Variants in ENOX1 observed in about 807,000 individuals in gnomAD.
The protein encoded by ENOX1 is candidate growth-related and time keeping constitutive hydroquinone (NADH) oxidase.
Under a neutral mutation model 82.5 loss-of-function variants are expected in ENOX1, and 42 were observed. That is an observed-to-expected ratio of 0.51 (90% CI 0.40 to 0.66). The LOEUF (loss-of-function observed/expected upper bound fraction) is 0.66. Among genes scored for constraint, ENOX1 ranks in the 30% least tolerant of loss-of-function variants. The probability of loss-of-function intolerance (pLI) is 0.00; values close to 1 mark genes in which losing one functional copy is unlikely to be tolerated. For missense variants in ENOX1, 608 were observed against 811.6 expected, an observed-to-expected ratio of 0.75 and a Z score of 3.05; for synonymous variants, 271 against 282.2, an observed-to-expected ratio of 0.96 and a Z score of 0.40.
At chr13:43,255,278 T>C (rs372350575) in intron 14 of ENOX1, among the ~76,000 whole-genome samples, 11 of 152,210 alleles carry the variant, frequency 7.2e-5, no homozygotes, top group African/African-American at 2.4e-4. Flanking sequence ...AGACCAGGTA[T>C]AGAAGGAACA....
At chr13:43,623,165 C>T (rs868455897) in intron 2 of ENOX1, among the ~76,000 whole-genome samples, 5 of 152,144 alleles carry the variant, frequency 3.3e-5, no homozygotes, top group African/African-American at 7.2e-5. Flanking sequence ...AGTCTGAAAA[C>T]CTGCCCCAGG....
chr13:43,711,468 T>C (rs1265802169), intron 1 of ENOX1, among the ~76,000 whole-genome samples: 5 of 152,204 alleles, frequency 3.3e-5, no homozygotes, highest in Non-Finnish European at 7.3e-5. Context: ...ATGGTATTTC[T>C]AGTTCTAGAT....
At chr13:43,493,549 G>A (rs1465660118) in intron 2 of ENOX1, among the ~76,000 whole-genome samples, 1 of 152,166 alleles carries the variant, frequency 6.6e-6, no homozygotes, top group African/African-American at 2.4e-5. Flanking sequence ...CCATTCCTTT[G>A]CCTTCTTTTT....
At chr13:43,697,982 C>G (rs1224027078) in intron 1 of ENOX1, among the ~76,000 whole-genome samples, 2 of 152,094 alleles carry the variant, frequency 1.3e-5, no homozygotes, top group African/African-American at 4.8e-5. Context: ...TAGGGCCTTG[C>G]AGTACATTCA....
intron 2 of ENOX1, among the ~76,000 whole-genome samples, chr13:43,615,786 C>T (rs1194862784): frequency 1.3e-5 from 2 of 151,834 alleles, no homozygotes; most frequent in Admixed American, 6.6e-5. Flanking sequence ...TGTTCCCCTC[C>T]CTGTGTCCAT....
intron 1 of ENOX1, among the ~76,000 whole-genome samples, chr13:43,738,715 T>C (rs1276461050): frequency 1.2e-5 from 1 of 82,958 alleles, no homozygotes; most frequent in African/African-American, 4.2e-5. Flanking sequence ...TAGTAATATA[T>C]ATAGATTTTT....
At chr13:43,569,006 T>C (rs879408601) in intron 2 of ENOX1, among the ~76,000 whole-genome samples, 4 of 152,112 alleles carry the variant, frequency 2.6e-5, no homozygotes, top group African/African-American at 4.8e-5. Context: ...ATCAAAAAAA[T>C]GTTTGTTGAA....
intron 1 of ENOX1, among the ~76,000 whole-genome samples, chr13:43,706,157 ATC>A (rs1418246844): frequency 6.6e-6 from 1 of 152,062 alleles, no homozygotes; most frequent in East Asian, 1.9e-4. Flanking sequence ...TTAGAAAAAA[ATC>A]TGTAGATTTA....
chr13:43,358,133 C>T (rs769778185), intron 7 of ENOX1, among the ~76,000 whole-genome samples: 1 of 152,288 alleles, frequency 6.6e-6, no homozygotes, highest in Admixed American at 6.5e-5. Context: ...AATCAAGGAG[C>T]ACCTTTCATA....
At chr13:43,711,248 C>A (rs1483569491) in intron 1 of ENOX1, among the ~76,000 whole-genome samples, 2 of 152,044 alleles carry the variant, frequency 1.3e-5, no homozygotes, top group Non-Finnish European at 2.9e-5. Context: ...AGGACATGAA[C>A]TCATCATTTT....
chr13:43,616,142 A>C (rs1202216981), intron 2 of ENOX1, among the ~76,000 whole-genome samples: 2 of 69,330 alleles, frequency 2.9e-5, no homozygotes, highest in African/African-American at 9.3e-5. Context: ...ATCTATCTAG[A>C]TATCTATATA....
At chr13:43,442,096 G>T (rs2056391483) in intron 3 of ENOX1, among the ~76,000 whole-genome samples, 1 of 152,130 alleles carries the variant, frequency 6.6e-6, no homozygotes, top group African/African-American at 2.4e-5. Flanking sequence ...CGCACATGGA[G>T]CTAAAACAAG....
chr13:43,637,731 C>T (rs972197707), intron 2 of ENOX1, among the ~76,000 whole-genome samples: 4 of 152,184 alleles, frequency 2.6e-5, no homozygotes, highest in African/African-American at 9.6e-5. Flanking sequence ...TTTCATTGCC[C>T]ATGCCTCCCC....
chr13:43,415,028 A>C (rs1409171501), intron 3 of ENOX1, among the ~76,000 whole-genome samples: 1 of 152,152 alleles, frequency 6.6e-6, no homozygotes, highest in Admixed American at 6.5e-5. Context: ...AGTGTCCTGG[A>C]GACCCATCGT....
chr13:43,236,893 A>G (rs1432425842), intron 14 of ENOX1, among the ~76,000 whole-genome samples, 155 bp from the exon 15 acceptor site: 1 of 152,232 alleles, frequency 6.6e-6, no homozygotes, highest in African/African-American at 2.4e-5. Context: ...TATTTGCCCA[A>G]GAGTAGAAAA....
At chr13:43,304,782 C>T (rs1015777737) in intron 11 of ENOX1, among the ~76,000 whole-genome samples, 1 of 152,186 alleles carries the variant, frequency 6.6e-6, no homozygotes, top group Non-Finnish European at 1.5e-5. Flanking sequence ...ACCCACTAAT[C>T]CCAGAGCTCA....
chr13:43,739,768 A>C (rs1343962516), intron 1 of ENOX1, among the ~76,000 whole-genome samples: 1 of 151,638 alleles, frequency 6.6e-6, no homozygotes, highest in East Asian at 1.9e-4. Context: ...TATACGGTTA[A>C]CCCTTAACAG....
At chr13:43,568,265 C>G (rs1416380179) in intron 2 of ENOX1, among the ~76,000 whole-genome samples, 1 of 152,148 alleles carries the variant, frequency 6.6e-6, no homozygotes, top group Non-Finnish European at 1.5e-5. Context: ...TTTCCCCTTC[C>G]TCTTGCATGA....
intron 9 of ENOX1, among the ~76,000 whole-genome samples, chr13:43,328,141 G>T (rs1261912945): frequency 2.6e-5 from 4 of 152,192 alleles, no homozygotes; most frequent in African/African-American, 7.2e-5. Flanking sequence ...ACCTGGGGCT[G>T]CTCTAAGTGC....
Sources: gnomAD v4.1 joint callset for allele counts (sites outside exome capture counted in the v4.1 genomes callset) on GRCh38, gnomAD v4.1.1 for gene constraint, MANE v1.5 for transcripts, NCBI Gene and HGNC (gene_info 2026-07-23, HGNC 2026-07-21) for gene names.